Variants in NHERF2 observed in about 807,000 individuals in gnomAD.
NHERF2 encodes the protein NHERF family PDZ scaffold protein 2.
chr16:2,038,685 G>C, the NHERF2 span: 1 of 244,204 alleles, frequency 4.1e-6, no homozygotes, highest in African/African-American at 2.4e-5. Context: ...TCCCCACCCA[G>C]CTACCCTGTG....
chr16:2,027,466 C>T, the NHERF2 span, among the ~76,000 whole-genome samples: 1 of 152,220 alleles, frequency 6.6e-6, no homozygotes, highest in African/African-American at 2.4e-5. Context: ...GCCCTTTGGT[C>T]GCGTTTTGGC....
chr16:2,038,040 T>C, the NHERF2 span: 1 of 1,592,588 alleles, frequency 6.3e-7, no homozygotes, highest in Non-Finnish European at 8.6e-7. Context: ...ACCTTGGGCC[T>C]CAGCCTGCCC....
At chr16:2,037,691 G>T in the NHERF2 span, 1 of 1,561,402 alleles carries the variant, frequency 6.4e-7, no homozygotes, top group Non-Finnish European at 8.7e-7. Context: ...GGGCAGTGGG[G>T]TCTCTGTTCA....
chr16:2,036,045 G>A, the NHERF2 span: 17 of 458,454 alleles, frequency 3.7e-5, no homozygotes, highest in South Asian at 1.1e-4. Context: ...CTGCCTGTGC[G>A]CCACGCTGGC....
the NHERF2 span, chr16:2,029,564 A>G: frequency 1.9e-5 from 30 of 1,556,920 alleles, no homozygotes; most frequent in East Asian, 6.3e-4. Flanking sequence ...ACCCGCTCCT[A>G]TCGCCCATTC....
the NHERF2 span, chr16:2,029,724 G>A: frequency 1.3e-6 from 2 of 1,556,222 alleles, no homozygotes; most frequent in Non-Finnish European, 1.7e-6. Context: ...CACGACCCCT[G>A]GGAGCCGAAG....
chr16:2,034,774 C>T, the NHERF2 span, among the ~76,000 whole-genome samples: 20 of 145,932 alleles, frequency 1.4e-4, no homozygotes, highest in East Asian at 1.2e-3. Context: ...AGCCTGGGGG[C>T]TGTGCTCCAC....
the NHERF2 span, chr16:2,029,469 C>A: frequency 2.0e-6 from 2 of 995,532 alleles, no homozygotes; most frequent in Non-Finnish European, 3.0e-6. Flanking sequence ...GCCACCCGCC[C>A]ATGCAGACCA....
chr16:2,036,055 C>T, the NHERF2 span: 1 of 486,006 alleles, frequency 2.1e-6, no homozygotes, highest in Non-Finnish European at 3.7e-6. Context: ...GCCACGCTGG[C>T]CTCGAGCCAA....
At chr16:2,037,861 G>C in the NHERF2 span, 14 of 1,601,140 alleles carry the variant, frequency 8.7e-6, no homozygotes, top group Middle Eastern at 1.7e-4. Flanking sequence ...CCTTCCAGGA[G>C]AGCGGCCTCC....
chr16:2,034,055 C>T, the NHERF2 span, among the ~76,000 whole-genome samples: 1 of 152,172 alleles, frequency 6.6e-6, no homozygotes, highest in Non-Finnish European at 1.5e-5. Context: ...GGCCTGGCCT[C>T]AGGGCCCCAG....
At chr16:2,027,762 C>T in the NHERF2 span, among the ~76,000 whole-genome samples, 2 of 152,134 alleles carry the variant, frequency 1.3e-5, no homozygotes. Flanking sequence ...GTCTGGACTC[C>T]TGGGCGTATG....
chr16:2,027,983 C>T, the NHERF2 span, among the ~76,000 whole-genome samples: 5 of 152,230 alleles, frequency 3.3e-5, no homozygotes, highest in Admixed American at 2.0e-4. Flanking sequence ...CTGGCCGAAG[C>T]CTCCTGCCTC....
chr16:2,034,200 A>C, the NHERF2 span, among the ~76,000 whole-genome samples: 2 of 152,220 alleles, frequency 1.3e-5, no homozygotes, highest in Admixed American at 1.3e-4. Context: ...GCGTGTTTGC[A>C]GGTGTGTGTG....
At chr16:2,037,918 G>A in the NHERF2 span, 2 of 1,612,672 alleles carry the variant, frequency 1.2e-6, no homozygotes, top group Non-Finnish European at 8.5e-7. Flanking sequence ...CTCGAGCCAT[G>A]CGAGTCAACA....
the NHERF2 span, chr16:2,027,024 C>T: frequency 1.7e-6 from 2 of 1,204,418 alleles, no homozygotes; most frequent in Non-Finnish European, 2.1e-6. Flanking sequence ...GCCGGAGCCG[C>T]TGCGGCCGCG....
chr16:2,029,906 C>A, the NHERF2 span: 3 of 803,274 alleles, frequency 3.7e-6, no homozygotes, highest in Non-Finnish European at 5.9e-6. Flanking sequence ...TTTGGGGCTC[C>A]TTTTCTGCCC....
the NHERF2 span, chr16:2,036,204 A>G: frequency 9.6e-7 from 1 of 1,042,858 alleles, no homozygotes; most frequent in Non-Finnish European, 1.4e-6. Context: ...TGCCACTGAG[A>G]CCTGGGCCTG....
chr16:2,028,211 A>T, the NHERF2 span, among the ~76,000 whole-genome samples: 2 of 152,196 alleles, frequency 1.3e-5, no homozygotes, highest in African/African-American at 4.8e-5. Context: ...GTTCAGCTGG[A>T]CCTGGAGCTG....
Sources: allele counts gnomAD v4.1 joint callset (sites outside exome capture counted in the v4.1 genomes callset), GRCh38; gene constraint gnomAD v4.1.1; transcripts MANE v1.5; gene names NCBI Gene and HGNC (gene_info 2026-07-23, HGNC 2026-07-21).